Variants in KAZN observed in about 807,000 individuals in gnomAD.
KAZN encodes kazrin, periplakin interacting protein, also known as kazrin.
In KAZN, 40 loss-of-function variants were observed where a neutral mutation model predicts 87.4. That is an observed-to-expected ratio of 0.46 (90% CI 0.36 to 0.60). The LOEUF is 0.60. Among genes scored for constraint, KAZN ranks in the 20% least tolerant of loss-of-function variants. The pLI, the probability that KAZN is intolerant of heterozygous loss-of-function variation, is 0.00. For missense variants in KAZN, 898 were observed against 1,073.9 expected (o/e 0.84, Z 2.29); for synonymous variants, 466 against 458.3 (o/e 1.02, Z -0.22).
intron 2 of KAZN, among the ~76,000 whole-genome samples, chr1:14,340,704 C>T (rs567973905): frequency 6.6e-6 from 1 of 152,218 alleles, no homozygotes; most frequent in Admixed American, 6.5e-5. Flanking sequence ...ATGGAAGTCC[C>T]GTGGAAGGAG....
chr1:14,536,594 G>A (rs1672516450), intron 2 of KAZN, among the ~76,000 whole-genome samples: 1 of 152,262 alleles, frequency 6.6e-6, no homozygotes, highest in Middle Eastern at 3.4e-3. Flanking sequence ...ACAAAAAGTT[G>A]AAGTCGGCTG....
intron 1 of KAZN, among the ~76,000 whole-genome samples, chr1:14,727,665 C>T (rs1643464263): frequency 6.6e-6 from 1 of 151,470 alleles, no homozygotes; most frequent in Non-Finnish European, 1.5e-5. Flanking sequence ...AGGGTTTCTC[C>T]ATGTTGGTCA....
chr1:14,414,521 C>T (rs1290057311), intron 2 of KAZN, among the ~76,000 whole-genome samples: 1 of 152,002 alleles, frequency 6.6e-6, no homozygotes, highest in East Asian at 1.9e-4. Flanking sequence ...AAACATAATG[C>T]TTAGCAAAAA....
chr1:14,183,038 A>C (rs1243955015), intron 2 of KAZN, among the ~76,000 whole-genome samples: 1 of 152,010 alleles, frequency 6.6e-6, no homozygotes, highest in Non-Finnish European at 1.5e-5. Context: ...ATGATGAAAC[A>C]CTCTGACATC....
intron 1 of KAZN, among the ~76,000 whole-genome samples, chr1:14,609,908 C>T (rs1452441864): frequency 3.9e-5 from 6 of 152,216 alleles, no homozygotes; most frequent in African/African-American, 1.4e-4. Context: ...AAGATCAGGC[C>T]CAGCTGCACA....
In KAZN at chr1:14,979,225, C is replaced by T. The variant is rs112385361; in HGVS notation, c.418+18350C>T. On this transcript the variant is annotated intron_variant, in intron 2 of 14. Transcript: ENST00000376030. ...AGGAGTTCAAGACCAGCCTGACCAA[C>T]GTGTGAAACCCCGTCTCTACTAAAA... 9.9e-3 allele frequency among the ~76,000 whole-genome samples: 1,510 copies of T among 151,770 alleles called. 19 individuals carry two copies. The highest frequency in any genetic ancestry group is 0.034 in the African/African-American group (1,405 of 41,394).
chr1:14,674,907 C>T (rs1367208391), intron 1 of KAZN, among the ~76,000 whole-genome samples: 1 of 152,150 alleles, frequency 6.6e-6, no homozygotes, highest in Non-Finnish European at 1.5e-5. Flanking sequence ...CCACCTCAGC[C>T]TCCTGAGCAC....
chr1:15,089,850 G>A lies in KAZN; in HGVS notation c.1223-4330G>A, dbSNP rs531281990. On this transcript the variant is annotated intron_variant, in intron 8 of 14. Coordinates refer to ENST00000376030, the MANE Select transcript of KAZN (RefSeq NM_201628.3). ...TTGGCATCAGTTCATTGGTGGAGATGACGTTACTGGGCAGTGTTCTTTGGA... is the reference window on the plus strand; with the variant it reads ...TTGGCATCAGTTCATTGGTGGAGATAACGTTACTGGGCAGTGTTCTTTGGA... 7.9e-5 allele frequency among the ~76,000 whole-genome samples: 12 copies of A among 151,418 alleles called. No homozygotes were observed. In the South Asian group the frequency reaches 2.5e-3, roughly 32 times the overall value.
At chr1:14,561,442 G>C (rs936337028) in intron 2 of KAZN, among the ~76,000 whole-genome samples, 1 of 152,186 alleles carries the variant, frequency 6.6e-6, no homozygotes, top group Admixed American at 6.5e-5. Context: ...ACACTGGCTT[G>C]ATTGGCTGCT....
chr1:13,957,300 A>G (rs868302881), intron 1 of KAZN, among the ~76,000 whole-genome samples: 1 of 152,190 alleles, frequency 6.6e-6, no homozygotes, highest in East Asian at 1.9e-4. Context: ...GCCCCTGGAT[A>G]TGGGCAGTGA....
At chr1:14,226,227 T>C (rs1647282988) in intron 2 of KAZN, among the ~76,000 whole-genome samples, 1 of 151,536 alleles carries the variant, frequency 6.6e-6, no homozygotes, top group Non-Finnish European at 1.5e-5. Flanking sequence ...CCAAACAATC[T>C]CGTTAAAAAA....
In KAZN at chr1:14,820,270, C is replaced by T; in HGVS notation, c.227-140414C>T. 6.6e-6 allele frequency among the ~76,000 whole-genome samples: 1 copy of T among 152,322 alleles called. No individual in the cohort carries two copies. The highest frequency in any genetic ancestry group is 2.4e-5 in the African/African-American group (1 of 41,568). On this transcript the variant is annotated intron_variant, in intron 1 of 14. Coordinates refer to ENST00000376030, the MANE Select transcript of KAZN (RefSeq NM_201628.3). This position sits in a 1 kb window ranked among gnomAD's most constrained non-coding sequence, Gnocchi z 4.1. The stretch of plus-strand genomic sequence containing the variant: ...AATGCTGGATCATCTATTCAGCCTA[C>T]TCTCCCTAACTGTTTCCCCGCAGAG...
rs1276316342 is a variant in KAZN, at chr1:14,234,311, A to G, written c.249+53719A>G. On this transcript the variant is annotated intron_variant, in intron 2 of 16. Coordinates refer to the KAZN transcript ENST00000636203. The stretch of plus-strand genomic sequence containing the variant: ...CAGCAAACTAACACAAGAACAGAAA[A>G]CCAAACACTGCATGTTCTCACTCAT... Among the ~76,000 whole-genome samples the G allele has an allele frequency of 6.0e-5, 9 of 150,714 alleles. No individual in the cohort carries two copies. The East Asian group carries it at 1.4e-3, about 24-fold the overall frequency.
chr1:15,104,002 G>T (rs745574898), intron 12 of KAZN, 21 bp from the exon 13 acceptor site: 64 of 1,608,992 alleles, frequency 4.0e-5, no homozygotes, highest in Non-Finnish European at 5.2e-5. Flanking sequence ...AGGCTAACAA[G>T]TCCCCTGCCT....
intron 2 of KAZN, among the ~76,000 whole-genome samples, chr1:14,321,007 A>G (rs1656012409): frequency 6.6e-6 from 1 of 152,182 alleles, no homozygotes; most frequent in Non-Finnish European, 1.5e-5. Flanking sequence ...GCTTTAAGGC[A>G]TTTTTGAAAG....
At chr1:14,677,843 A>G (rs1640324746) in intron 1 of KAZN, among the ~76,000 whole-genome samples, 1 of 152,230 alleles carries the variant, frequency 6.6e-6, no homozygotes, top group African/African-American at 2.4e-5. Context: ...TCAATGGGGT[A>G]TGCAGAGTAC....
chr1:14,396,966 T>A (rs753723415), intron 2 of KAZN, among the ~76,000 whole-genome samples: 5 of 152,202 alleles, frequency 3.3e-5, no homozygotes, highest in Non-Finnish European at 7.3e-5. Flanking sequence ...AGAAAGTTTA[T>A]GTCTCCATCT....
intron 1 of KAZN, among the ~76,000 whole-genome samples, chr1:14,859,339 C>T (rs1650564491): frequency 6.6e-6 from 1 of 152,176 alleles, no homozygotes; most frequent in Non-Finnish European, 1.5e-5. Context: ...ATTTTGCCCT[C>T]CATTTCACAG....
chr1:14,569,569 G>T (rs964008608), intron 2 of KAZN, among the ~76,000 whole-genome samples: 1 of 151,342 alleles, frequency 6.6e-6, no homozygotes, highest in East Asian at 2.0e-4. Context: ...AGATCTGCCC[G>T]CCTCGGCCTC....
Sources: gnomAD v4.1 joint callset for allele counts (sites outside exome capture counted in the v4.1 genomes callset) on GRCh38, gnomAD v4.1.1 for gene constraint, Gnocchi (gnomAD v3.1) non-coding constraint, MANE v1.5 for transcripts, NCBI Gene and HGNC (gene_info 2026-07-23, HGNC 2026-07-21) for gene names.